MICAL3: variants seen among roughly 807,000 people sequenced by gnomAD.
The protein encoded by MICAL3 is microtubule associated monooxygenase, calponin and LIM domain containing 3, also known as [F-actin]-monooxygenase MICAL3.
MICAL3 carries 62 observed loss-of-function variants against 207.4 expected under a neutral mutation model. The ratio of observed to expected loss-of-function variants is 0.30; its 90% CI spans 0.24 to 0.37. The LOEUF (loss-of-function observed/expected upper bound fraction) is 0.37. MICAL3 is among the 10% of genes least tolerant of loss of function. The pLI, the probability that MICAL3 is intolerant of heterozygous loss-of-function variation, is 1.00. For missense variants in MICAL3, 2,368 were observed against 2,635.6 expected (o/e 0.90, Z 2.22); for synonymous variants, 1,077 against 1,069.3 (o/e 1.01, Z -0.14).
intron 20 of MICAL3, among the ~76,000 whole-genome samples, chr22:17,837,106 G>A (rs540537124): frequency 6.6e-6 from 1 of 152,250 alleles, no homozygotes; most frequent in South Asian, 2.1e-4. Flanking sequence ...GAGGCGGCTG[G>A]AGAAGATGCA....
Position 17,906,552 on chromosome 22 carries a change from G to A in MICAL3, c.261C>T (p.Thr87=). ...GCCCAACAGGAGCAAAGCTTACCTT[G>A]GTGTTAGTGCACGCTTTTCCCTTTT... ...DYKKGKACTN[T]KCLIIGAGPC... is the part of the protein sequence containing the mutation. The change falls in exon 2 of 32, where the codon ACC becomes ACT. Residue 87 remains threonine, a synonymous_variant. Transcript: ENST00000441493. The A allele has an allele frequency of 6.2e-7, 1 of 1,611,678 alleles. No individual in the cohort carries two copies. The highest frequency in any genetic ancestry group is 8.5e-7 in the Non-Finnish European group (1 of 1,178,306).
chr22:18,003,670 T>C (rs546238589), intron 1 of MICAL3, among the ~76,000 whole-genome samples: 3 of 152,270 alleles, frequency 2.0e-5, no homozygotes, highest in African/African-American at 7.2e-5. Flanking sequence ...AAGCTTCAGC[T>C]CCATCTTCTT....
intron 1 of MICAL3, among the ~76,000 whole-genome samples, chr22:17,926,746 G>C (rs1932940844): frequency 6.6e-6 from 1 of 152,232 alleles, no homozygotes; most frequent in Non-Finnish European, 1.5e-5. Context: ...GCTAAGCATG[G>C]TGGGGAGGCA....
chr22:17,832,225 G>A (rs1922879200), intron 20 of MICAL3, 118 bp from the exon 21 acceptor site: 1 of 1,289,762 alleles, frequency 7.8e-7, no homozygotes, highest in Non-Finnish European at 1.1e-6. Context: ...TGAGCAGGCG[G>A]AGAGAGACAG....
Position 17,831,738 on chromosome 22 carries a change from G to A in MICAL3, c.3055+116C>T. ...CTTATGTCAGGAGGGGTGGTCCCTG[G>A]GCTGTGCAGGAGGCACGTCCGTGTG... On this transcript the variant is annotated intron_variant, in intron 21 of 31. Coordinates refer to ENST00000441493, the MANE Select transcript of MICAL3 (RefSeq NM_015241.3). 8.2e-6 allele frequency: 12 copies of A among 1,461,748 alleles called. No individual in the cohort carries two copies. In the South Asian group the frequency reaches 1.6e-4, roughly 19 times the overall value. 90.5% of individuals were successfully genotyped at this position (1,461,748 alleles called of 1,614,324 possible).
intron 19 of MICAL3, among the ~76,000 whole-genome samples, chr22:17,857,062 T>C (rs529158353): frequency 7.9e-5 from 12 of 152,296 alleles, no homozygotes; most frequent in African/African-American, 2.9e-4. Flanking sequence ...ATAAATAAAT[T>C]GCTGCCATAA....
rs1281013088 is a variant in MICAL3 at position 17,860,328 on chromosome 22, AAAGGCAAAAATGGAAGTGGAGAG to A, written c.2605+4548_2605+4570del. The A allele has an allele frequency of 5.1e-6, 5 of 985,382 alleles. No homozygotes were observed. The African/African-American group carries it at 8.7e-5, about 17-fold the overall frequency. The allele number at this position is 985,382 out of a possible 1,614,324, so 61.0% of individuals were successfully genotyped here. A position where few individuals can be genotyped will look rare whatever the true frequency, so the allele number is the denominator to read the frequency against. On this transcript the variant is annotated intron_variant, in intron 19 of 31. Coordinates refer to ENST00000441493, the MANE Select transcript of MICAL3 (RefSeq NM_015241.3). The stretch of plus-strand genomic sequence containing the variant: ...ACTCACAAGAGCACAAGTTAAAAAC[AAAGGCAAAAATGGAAGTGGAGAG>A]AAGGCGGGCAGTAGACAGGCAGCAG...
intron 29 of MICAL3, among the ~76,000 whole-genome samples, chr22:17,801,946 A>C (rs2061944771): frequency 6.6e-6 from 1 of 152,108 alleles, no homozygotes; most frequent in Admixed American, 6.6e-5. Flanking sequence ...AAAAACAAAG[A>C]AAGCAGGAGA....
intron 1 of MICAL3, among the ~76,000 whole-genome samples, chr22:17,968,605 A>G (rs1467542590): frequency 2.0e-5 from 3 of 151,890 alleles, no homozygotes; most frequent in African/African-American, 7.2e-5. Flanking sequence ...AATGCCTGGG[A>G]GAGTGTCCAA....
intron 1 of MICAL3, chr22:17,980,807 T>TGCCTCA (rs1935872850): frequency 2.0e-6 from 1 of 494,290 alleles, no homozygotes; most frequent in Admixed American, 2.0e-5. Context: ...TCTGCTCCTC[T>TGCCTCA]GCCTCAGCCT....
intron 16 of MICAL3, chr22:17,875,322 G>C: frequency 2.0e-6 from 1 of 503,100 alleles, no homozygotes. Context: ...CATGCAGCTG[G>C]CTCCCTACAG....
At chr22:18,002,340 T>C (rs1923091010) in intron 1 of MICAL3, among the ~76,000 whole-genome samples, 1 of 149,400 alleles carries the variant, frequency 6.7e-6, no homozygotes, top group South Asian at 2.1e-4. Flanking sequence ...AGAGAAAATA[T>C]AGAGCAGAGG....
chr22:17,990,003 G>A (rs1921482630), intron 1 of MICAL3, among the ~76,000 whole-genome samples: 2 of 152,242 alleles, frequency 1.3e-5, no homozygotes, highest in East Asian at 1.9e-4. Flanking sequence ...ACACTTTCAT[G>A]AAGCCGCCCC....
chr22:17,828,395 T>C (rs1028559659), intron 21 of MICAL3, among the ~76,000 whole-genome samples: 11 of 152,236 alleles, frequency 7.2e-5, no homozygotes, highest in Non-Finnish European at 1.5e-4. Context: ...CAGCTGGAGC[T>C]GCTGCTGGAG....
chr22:17,915,934 T>A (rs1602212719), intron 1 of MICAL3, among the ~76,000 whole-genome samples: 1 of 149,808 alleles, frequency 6.7e-6, no homozygotes, highest in East Asian at 2.0e-4. Context: ...CTACAAAAAA[T>A]TAAAAAATTA....
chr22:18,006,100 A>AATGTCTCTG (rs1294175120), intron 1 of MICAL3: 3 of 152,134 alleles, frequency 2.0e-5, no homozygotes, highest in Non-Finnish European at 4.4e-5. Flanking sequence ...AGAGCTCTAA[A>AATGTCTCTG]ATGTCTCTGC....
chr22:17,822,154 G>T lies in MICAL3; in HGVS notation c.3324C>A (p.Asp1108Glu). ...GCTCTCTGTCAGCATCCGACGGGCT[G>T]TCAGACCAGTGCTGATCTGGCAGAG... is the stretch of plus-strand genomic sequence containing the variant. The part of the protein sequence containing the change: ...AELDDDQHWS[D>E]SPSDADRELR... Residue 1108 changes from aspartate to glutamate, a missense_variant, in exon 24 of 32, where the codon GAC becomes GAA. Physicochemically the swap from Asp to Glu is conservative, Grantham distance 45. Transcript: ENST00000441493. 1 of 1,613,724 alleles carries T rather than the reference G, an allele frequency of 6.2e-7. No homozygotes were observed. The highest frequency in any genetic ancestry group is 1.1e-5 in the South Asian group (1 of 91,086).
intron 19 of MICAL3, chr22:17,862,879 G>A: frequency 1.0e-6 from 1 of 985,492 alleles, no homozygotes; most frequent in South Asian, 4.7e-5. Flanking sequence ...GTCATTAACT[G>A]TAAAGGTCCA....
intron 22 of MICAL3, among the ~76,000 whole-genome samples, chr22:17,826,115 C>T (rs1231306260): frequency 2.6e-5 from 4 of 152,362 alleles, no homozygotes; most frequent in Non-Finnish European, 5.9e-5. Context: ...CCCTTTCACA[C>T]TCAATCGGTA....
Sources: allele counts gnomAD v4.1 joint callset (sites outside exome capture counted in the v4.1 genomes callset), GRCh38; gene constraint gnomAD v4.1.1; transcripts MANE v1.5; gene names NCBI Gene and HGNC (gene_info 2026-07-23, HGNC 2026-07-21).